The following UNC13C variants were observed in gnomAD, a reference collection of about 807,000 sequenced individuals.
UNC13C encodes the protein unc-13 homolog C, also known as protein unc-13 homolog C.
Under a neutral mutation model 245.4 loss-of-function variants are expected in UNC13C, and 174 were observed. That is an observed-to-expected ratio of 0.71 (90% CI 0.63 to 0.80). The LOEUF (loss-of-function observed/expected upper bound fraction) is 0.80, where lower values mean the gene tolerates loss of function less well. Ranked by LOEUF, UNC13C falls within the 30% of genes least tolerant of loss-of-function variation. The pLI, the probability that UNC13C is intolerant of heterozygous loss-of-function variation, is 0.00. For synonymous variants in UNC13C, 992 were observed against 895.1 expected (o/e 1.11, Z -1.93); for missense variants, 2,829 against 2,602.9 (o/e 1.09, Z -1.89).
In UNC13C at chr15:54,571,142, A is replaced by G. The variant is rs1222259300; in HGVS notation, c.6106+3195A>G. On this transcript the variant is annotated intron_variant, in intron 30 of 32. Coordinates refer to ENST00000260323, the MANE Select transcript of UNC13C (RefSeq NM_001080534.3). Reference sequence around the variant, plus strand: ...CAAATGAAGTCTCAGTTTCCAGTGTATATTAGTCCATTCTCATGCTGCTAA... The same window carrying G: ...CAAATGAAGTCTCAGTTTCCAGTGTGTATTAGTCCATTCTCATGCTGCTAA... Among the ~76,000 whole-genome samples, 5 of 152,166 alleles carry G rather than the reference A, an allele frequency of 3.3e-5. No homozygotes were observed. The East Asian group carries it at 9.6e-4, about 29-fold the overall frequency.
At chr15:54,259,389 G>A (rs949385732) in intron 8 of UNC13C, among the ~76,000 whole-genome samples, 2 of 152,220 alleles carry the variant, frequency 1.3e-5, no homozygotes, top group African/African-American at 2.4e-5. Flanking sequence ...CATGGCTGGT[G>A]AGGCCTAACA....
chr15:54,520,745 G>A (rs1895179708), intron 24 of UNC13C, among the ~76,000 whole-genome samples: 1 of 152,138 alleles, frequency 6.6e-6, no homozygotes, highest in South Asian at 2.1e-4. Flanking sequence ...TAAGGTCCTT[G>A]AAATTAAGAA....
In UNC13C at chr15:54,012,990, A is replaced by G; in HGVS notation, c.87A>G (p.Thr29=). 2 of 1,613,808 alleles carry G rather than the reference A, an allele frequency of 1.2e-6. No individual in the cohort carries two copies. Among genetic ancestry groups the G allele is most frequent in the East Asian group, 2.2e-5 (1 of 44,900 alleles). The change falls in exon 2 of 33, where the codon ACA becomes ACG. Residue 29 remains threonine, a synonymous_variant. Transcript: ENST00000260323. ...TGTTTACAAAGAAATTGGGAAATACAAACAAAAACAAAGAGTATCGTCAGC... is the reference window on the plus strand; with the variant it reads ...TGTTTACAAAGAAATTGGGAAATACGAACAAAAACAAAGAGTATCGTCAGC... The part of the protein sequence containing the change: ...KGMFTKKLGN[T]NKNKEYRQQK...
upstream of UNC13C, among the ~76,000 whole-genome samples, chr15:53,973,541 A>G (rs955631300): frequency 2.6e-5 from 4 of 151,974 alleles, no homozygotes; most frequent in Middle Eastern, 3.2e-3. Context: ...GAGCTCTTCA[A>G]TGCTGTGCCA....
intron 4 of UNC13C, among the ~76,000 whole-genome samples, chr15:54,165,966 TG>T (rs1470832060): frequency 6.6e-6 from 1 of 152,084 alleles, no homozygotes; most frequent in Non-Finnish European, 1.5e-5. Context: ...TCTTGCCATT[TG>T]CATTTGTTAT....
Position 54,095,340 on chromosome 15 carries a change from G to A in UNC13C, c.2984-47678G>A, listed in dbSNP as rs76905744. ...AGATCGGGTTGTAGTGGGGTAAGCAGGACCATCATTACACAGCATTCTCTC... is the reference window on the plus strand; with the variant it reads ...AGATCGGGTTGTAGTGGGGTAAGCAAGACCATCATTACACAGCATTCTCTC... On this transcript the variant is annotated intron_variant, in intron 2 of 32. Coordinates refer to ENST00000260323, the MANE Select transcript of UNC13C (RefSeq NM_001080534.3). Among the ~76,000 whole-genome samples, 121 of 152,248 alleles carry A rather than the reference G, an allele frequency of 7.9e-4. 4 individuals carry two copies. The East Asian group carries it at 0.023, about 29-fold the overall frequency.
At chr15:54,444,062 A>T (rs983009024) in intron 19 of UNC13C, among the ~76,000 whole-genome samples, 2 of 151,944 alleles carry the variant, frequency 1.3e-5, no homozygotes, top group Non-Finnish European at 2.9e-5. Flanking sequence ...TCCACTTTAT[A>T]TATCTGGATA....
chr15:54,434,914 G>A (rs184382306), intron 19 of UNC13C, among the ~76,000 whole-genome samples: 104 of 152,140 alleles, frequency 6.8e-4, no homozygotes, highest in Non-Finnish European at 1.3e-3. Flanking sequence ...CAAAAAGTGG[G>A]CAATGGATAT....
intron 22 of UNC13C, among the ~76,000 whole-genome samples, chr15:54,503,744 A>C (rs1045210215): frequency 6.6e-6 from 1 of 152,190 alleles, no homozygotes; most frequent in African/African-American, 2.4e-5. Flanking sequence ...TAGCCATTTC[A>C]CAAGAACTGC....
chr15:54,580,737 A>T (rs2141238266), intron 30 of UNC13C, among the ~76,000 whole-genome samples: 1 of 152,262 alleles, frequency 6.6e-6, no homozygotes, highest in African/African-American at 2.4e-5. Context: ...CTCAGAGGTG[A>T]CTCTTTCGTT....
At chr15:54,434,257 CA>C (rs1295424882) in intron 19 of UNC13C, among the ~76,000 whole-genome samples, 3 of 151,194 alleles carry the variant, frequency 2.0e-5, no homozygotes, top group South Asian at 2.1e-4. Context: ...GGAACAACAA[CA>C]AAAAAAAGCC....
At position 54,106,805 on chromosome 15, in the gene UNC13C, G is replaced by A. The variant is rs959244638; in HGVS notation, c.2984-36213G>A. Among the ~76,000 whole-genome samples, 9 of 152,182 alleles carry A rather than the reference G, an allele frequency of 5.9e-5. No homozygotes were observed. The South Asian group carries it at 1.0e-3, about 18-fold the overall frequency. On this transcript the variant is annotated intron_variant, in intron 2 of 32. Coordinates refer to ENST00000260323, the MANE Select transcript of UNC13C (RefSeq NM_001080534.3). ...TGTGATTAATGGCAACTAGACAATA[G>A]TGAACACTGAATTGAAGGTGGCAGT...
At chr15:54,134,494 A>G (rs2031625541) in intron 2 of UNC13C, among the ~76,000 whole-genome samples, 2 of 151,856 alleles carry the variant, frequency 1.3e-5, no homozygotes, top group South Asian at 4.2e-4. Flanking sequence ...CTGCTGACAA[A>G]TAGGTTTTTT....
At position 54,454,301 on chromosome 15, in the gene UNC13C, G is replaced by T. The variant is rs1007324942; in HGVS notation, c.4933+39234G>T. ...CAGTGAACAATAACTCCCTGGCGGG[G>T]TGCAGTGGCTCACGTCTGTAATCCC... On this transcript the variant is annotated intron_variant, in intron 19 of 32. Transcript: ENST00000260323. Among the ~76,000 whole-genome samples, 8 of 151,994 alleles carry T rather than the reference G, an allele frequency of 5.3e-5. No individual in the cohort carries two copies. The South Asian group carries it at 1.7e-3, about 31-fold the overall frequency.
the UNC13C span, among the ~76,000 whole-genome samples, chr15:53,863,485 CATA>C: frequency 6.6e-6 from 1 of 152,146 alleles, no homozygotes; most frequent in African/African-American, 2.4e-5. Context: ...AGCTGTTTAT[CATA>C]ATGATATTGT....
chr15:54,026,868 A>T (rs1300496007), intron 2 of UNC13C, among the ~76,000 whole-genome samples: 3 of 152,238 alleles, frequency 2.0e-5, no homozygotes, highest in Admixed American at 6.5e-5. Flanking sequence ...TATAGCAGTG[A>T]CAAATCATAT....
chr15:54,622,310 C>G lies in UNC13C; in HGVS notation c.6107-17C>G. 1 of 1,592,426 alleles carries G rather than the reference C, an allele frequency of 6.3e-7. No individual in the cohort carries two copies. On this transcript the variant is annotated splice_polypyrimidine_tract_variant and intron_variant, in intron 30 of 32. Coordinates refer to ENST00000260323, the MANE Select transcript of UNC13C (RefSeq NM_001080534.3). ...GAGTCTGAAAGCTCAGGCCAGTAAG[C>G]CTCTGCTTATTTTCAGGTCGTTCCT...
rs143406985 is a variant in UNC13C, at chr15:54,068,425, G to A, written c.2983+52539G>A. On this transcript the variant is annotated intron_variant, in intron 2 of 32. Transcript: ENST00000260323. ...TGGGTCTGGGGGCTAAATCCAAGCA[G>A]CCACCTGCTTTTGTAAATAAAGTTT... Among the ~76,000 whole-genome samples the A allele has an allele frequency of 3.0e-4, 45 of 152,218 alleles. 1 individual carries two copies. In the East Asian group the frequency reaches 6.4e-3, roughly 22 times the overall value.
At chr15:53,911,484 T>C in the UNC13C span, 1 of 152,152 alleles carries the variant, frequency 6.6e-6, no homozygotes, top group Non-Finnish European at 1.5e-5. Context: ...ATAGTGCTTA[T>C]ACCCCCACTG....
Sources: gnomAD v4.1 joint callset for allele counts (sites outside exome capture counted in the v4.1 genomes callset) on GRCh38, gnomAD v4.1.1 for gene constraint, MANE v1.5 for transcripts, NCBI Gene and HGNC (gene_info 2026-07-23, HGNC 2026-07-21) for gene names.